Variants in ZPBP observed in about 807,000 individuals in gnomAD.
ZPBP encodes zona pellucida-binding protein 1.
In ZPBP, 26 loss-of-function variants were observed where a neutral mutation model predicts 44.8. The observed-to-expected ratio is 0.58, with a 90% CI of 0.43 to 0.81. The LOEUF (loss-of-function observed/expected upper bound fraction) is 0.81. Among genes scored for constraint, ZPBP ranks in the 30% least tolerant of loss-of-function variants. The probability of loss-of-function intolerance (pLI) is 0.00; values close to 1 mark genes in which losing one functional copy is unlikely to be tolerated. For synonymous variants in ZPBP, 174 were observed against 153.2 expected, an observed-to-expected ratio of 1.14 and a Z score of -1.00; for missense variants, 409 against 434.0, an observed-to-expected ratio of 0.94 and a Z score of 0.51.
At chr7:49,979,996 T>G (rs1484668356) in intron 7 of ZPBP, among the ~76,000 whole-genome samples, 1 of 101,400 alleles carries the variant, frequency 9.9e-6, no homozygotes, top group Non-Finnish European at 1.8e-5. Flanking sequence ...TAATTTTATA[T>G]TATATATTAT....
chr7:49,977,401 A>G (rs1796582266), intron 7 of ZPBP, among the ~76,000 whole-genome samples: 1 of 152,204 alleles, frequency 6.6e-6, no homozygotes, highest in Non-Finnish European at 1.5e-5. Flanking sequence ...ACAAGGGTTC[A>G]GGGATGCAAG....
At chr7:50,062,904 A>T (rs961687043) in intron 3 of ZPBP, among the ~76,000 whole-genome samples, 2 of 150,198 alleles carry the variant, frequency 1.3e-5, no homozygotes, top group African/African-American at 4.9e-5. Flanking sequence ...GAGGATATTT[A>T]TTATTTAGGT....
At chr7:49,854,230 A>G (rs1790321531) in intron 2 of ZPBP, among the ~76,000 whole-genome samples, 1 of 152,236 alleles carries the variant, frequency 6.6e-6, no homozygotes, top group African/African-American at 2.4e-5. Context: ...ATATATACCC[A>G]GTAATGGGAT....
intron 5 of ZPBP, 148 bp downstream of exon 5, chr7:50,030,944 C>G (rs1033333817): frequency 3.5e-5 from 24 of 686,804 alleles, no homozygotes; most frequent in Non-Finnish European, 5.7e-5. Context: ...GAGGGGTTAA[C>G]AGCACTAAGT....
At chr7:49,920,661 T>G (rs752338945) in intron 1 of ZPBP, 3 of 152,224 alleles carry the variant, frequency 2.0e-5, no homozygotes, top group African/African-American at 7.2e-5. Context: ...TATTTGCACA[T>G]AGCTATAAAT....
Position 49,937,554 on chromosome 7 carries a change from C to G in ZPBP, c.1030G>C (p.Val344Leu). ...TATAAGCACGTTTTTGCTCCATACACCAGGCTGCTATTGCATTGAAGGCAA... is the reference window on the plus strand; with the variant it reads ...TATAAGCACGTTTTTGCTCCATACAGCAGGCTGCTATTGCATTGAAGGCAA... ...IHCLQCNSSLVYGAKTCL is the reference protein window; with the variant it reads ...IHCLQCNSSLLYGAKTCL The change falls in exon 8 of 8, where the codon GTG (valine) becomes CTG (leucine). Residue 344 changes from valine (V) to leucine (L), a missense_variant. By Grantham distance (32) the Val-to-Leu change is conservative. Around this residue, in one of 2 missense-constraint regions of ZPBP, gnomAD observed 42 missense variants for 71.0 expected, o/e 0.59. Transcript: ENST00000046087. 4 of 1,613,796 alleles carry G rather than the reference C, an allele frequency of 2.5e-6. No individual in the cohort carries two copies. Among genetic ancestry groups the G allele is most frequent in the Non-Finnish European group, 3.4e-6 (4 of 1,179,820 alleles).
the ZPBP span, among the ~76,000 whole-genome samples, chr7:49,845,261 TG>T: frequency 2.0e-5 from 3 of 151,198 alleles, no homozygotes; most frequent in Non-Finnish European, 4.4e-5. Context: ...CTGCATACAC[TG>T]CACATGTACC....
At chr7:50,072,226 C>G (rs539557394) in intron 3 of ZPBP, among the ~76,000 whole-genome samples, 1 of 152,306 alleles carries the variant, frequency 6.6e-6, no homozygotes, top group South Asian at 2.1e-4. Flanking sequence ...TCCCACTGGC[C>G]TGGGGGTGGT....
intron 3 of ZPBP, 49 bp from the exon 4 acceptor site, chr7:50,058,190 G>A (rs770057055): frequency 3.2e-6 from 5 of 1,586,188 alleles, no homozygotes; most frequent in African/African-American, 1.3e-5. Flanking sequence ...CATGAGACAA[G>A]TACCAAAACA....
chr7:49,983,247 G>T, intron 7 of ZPBP, 95 bp downstream of exon 7: 1 of 1,053,192 alleles, frequency 9.5e-7, no homozygotes, highest in Non-Finnish European at 1.4e-6. Context: ...ATACCTAAAT[G>T]ATAGTAAAAA....
At chr7:50,043,304 C>T (rs945868167) in intron 4 of ZPBP, among the ~76,000 whole-genome samples, 1 of 152,150 alleles carries the variant, frequency 6.6e-6, no homozygotes, top group Admixed American at 6.5e-5. Flanking sequence ...GCTGTCAGCC[C>T]CCTGATTTCC....
Position 49,891,613 on chromosome 7 carries a change from T to TA in ZPBP, n.509+9504dup, listed in dbSNP as rs200840385. On this transcript the variant is annotated intron_variant and non_coding_transcript_variant, in intron 2 of 2. Coordinates refer to the ZPBP transcript ENST00000465922. ...CGCCAGGGTCGATAAAATATAACAA[T>TA]AAAAAAAAACAGCAATAATACCAAC... Among the ~76,000 whole-genome samples the TA allele has an allele frequency of 2.0e-3, 307 of 151,080 alleles. 3 individuals carry two copies. The highest frequency in any genetic ancestry group is 6.5e-3 in the African/African-American group (266 of 41,216).
At chr7:49,860,838 G>A (rs146569828) in intron 2 of ZPBP, among the ~76,000 whole-genome samples, 1 of 152,330 alleles carries the variant, frequency 6.6e-6, no homozygotes, top group East Asian at 1.9e-4. Context: ...TGTGCACAGA[G>A]AAAAGGCCAT....
intron 7 of ZPBP, among the ~76,000 whole-genome samples, chr7:49,964,197 G>A (rs1328722096): frequency 2.0e-5 from 3 of 151,766 alleles, no homozygotes; most frequent in Admixed American, 6.6e-5. Context: ...CTGCTTCAAG[G>A]TAAAACATTG....
chr7:50,018,153 A>G, intron 6 of ZPBP, 87 bp downstream of exon 6: 3 of 980,042 alleles, frequency 3.1e-6, no homozygotes, highest in South Asian at 2.7e-5. Context: ...GATTCAACGT[A>G]TTTTATAAAT....
intron 2 of ZPBP, among the ~76,000 whole-genome samples, chr7:49,895,348 T>C (rs1469086333): frequency 2.0e-5 from 3 of 152,166 alleles, no homozygotes; most frequent in Admixed American, 1.3e-4. Context: ...GTTGATTAAG[T>C]TTCAATGTAC....
At chr7:49,961,920 C>T (rs780624957) in intron 7 of ZPBP, among the ~76,000 whole-genome samples, 3 of 151,868 alleles carry the variant, frequency 2.0e-5, no homozygotes, top group Non-Finnish European at 2.9e-5. Flanking sequence ...CACTTGCCCC[C>T]GATATCATTT....
chr7:49,969,620 C>T (rs1326786108), intron 7 of ZPBP, among the ~76,000 whole-genome samples: 1 of 151,174 alleles, frequency 6.6e-6, no homozygotes, highest in Non-Finnish European at 1.5e-5. Context: ...TGTGTCAAAA[C>T]CTGATTAGAA....
chr7:49,911,353 G>A lies in ZPBP; in HGVS notation n.412-10138C>T, dbSNP rs372831329. Among the ~76,000 whole-genome samples the A allele has an allele frequency of 1.5e-3, 228 of 151,656 alleles. 3 individuals carry two copies. The highest frequency in any genetic ancestry group is 5.3e-3 in the African/African-American group (218 of 41,386). ...AAAAATTAGCTGGGTGTGGTGGCACGCCCCTATAGTCCCAGCTACTCTGGA... is the reference window on the plus strand; with the variant it reads ...AAAAATTAGCTGGGTGTGGTGGCACACCCCTATAGTCCCAGCTACTCTGGA... On this transcript the variant is annotated intron_variant and non_coding_transcript_variant, in intron 1 of 2. Coordinates refer to the ZPBP transcript ENST00000465922.
Sources: gnomAD v4.1 joint callset for allele counts (sites outside exome capture counted in the v4.1 genomes callset) on GRCh38, gnomAD v4.1.1 for gene constraint, gnomAD v4.1.1 regional missense constraint, MANE v1.5 for transcripts, NCBI Gene and HGNC (gene_info 2026-07-23, HGNC 2026-07-21) for gene names.